Variants in DPYD observed in about 807,000 individuals in gnomAD.
DPYD encodes dihydropyrimidine dehydrogenase, also known as dihydropyrimidine dehydrogenase [NADP(+)].
DPYD carries 109 observed loss-of-function variants against 116.2 expected under a neutral mutation model. The observed-to-expected ratio is 0.94, with a 90% CI of 0.80 to 1.10. The LOEUF (loss-of-function observed/expected upper bound fraction) is 1.10. DPYD is among the 50% of genes least tolerant of loss of function. DPYD has a pLI of 0.00. For missense variants in DPYD, 1,302 were observed against 1,254.5 expected (o/e 1.04, Z -0.57); for synonymous variants, 440 against 432.0 (o/e 1.02, Z -0.23).
At chr1:97,212,955 A>C (rs1167495420) in intron 19 of DPYD, among the ~76,000 whole-genome samples, 1 of 152,166 alleles carries the variant, frequency 6.6e-6, no homozygotes, top group Non-Finnish European at 1.5e-5. Context: ...AGCTTCAATA[A>C]CAAACATTCA....
chr1:97,210,981 C>T (rs1659995509), intron 19 of DPYD, among the ~76,000 whole-genome samples: 1 of 152,154 alleles, frequency 6.6e-6, no homozygotes, highest in Admixed American at 6.6e-5. Flanking sequence ...ACTTGCCTCA[C>T]TGCAATACTT....
chr1:97,249,997 C>T (rs1444176072), intron 18 of DPYD, among the ~76,000 whole-genome samples: 1 of 152,136 alleles, frequency 6.6e-6, no homozygotes, highest in East Asian at 1.9e-4. Context: ...CACGGCCAGG[C>T]ATGGTGGCTC....
chr1:97,373,847 A>T (rs1408568263), intron 15 of DPYD, among the ~76,000 whole-genome samples: 1 of 152,104 alleles, frequency 6.6e-6, no homozygotes, highest in Non-Finnish European at 1.5e-5. Flanking sequence ...TCACACACCA[A>T]ATATTTACTC....
chr1:97,093,176 T>G (rs574834438), intron 21 of DPYD, among the ~76,000 whole-genome samples: 3 of 152,294 alleles, frequency 2.0e-5, no homozygotes, highest in Admixed American at 6.5e-5. Flanking sequence ...ATCTTGTTAG[T>G]GTGATTCCTT....
chr1:97,750,705 C>G (rs770376514), intron 3 of DPYD, among the ~76,000 whole-genome samples: 13 of 152,070 alleles, frequency 8.5e-5, no homozygotes, highest in Non-Finnish European at 1.3e-4. Context: ...ATAGAGTGAC[C>G]ATAATGGATA....
chr1:97,516,119 C>G (rs1353245878), intron 12 of DPYD, among the ~76,000 whole-genome samples, 178 bp from the exon 13 acceptor site: 1 of 151,828 alleles, frequency 6.6e-6, no homozygotes, highest in Non-Finnish European at 1.5e-5. Flanking sequence ...TATAATATGG[C>G]CTTTTAATTT....
intron 16 of DPYD, among the ~76,000 whole-genome samples, chr1:97,349,066 C>A (rs921768887): frequency 2.0e-5 from 3 of 152,106 alleles, no homozygotes; most frequent in Non-Finnish European, 4.4e-5. Context: ...AGTACAGAAA[C>A]CTGTGGTCAA....
In DPYD at chr1:97,359,816, C is replaced by T. The variant is rs543850825; in HGVS notation, c.2058+13745G>A. ...AAGAGCTCCTGAAGGAAGCACTAAA[C>T]ATGGAAAGGAACAACCAGTACCAGC... On this transcript the variant is annotated intron_variant, in intron 16 of 22. Coordinates refer to ENST00000370192, the MANE Select transcript of DPYD (RefSeq NM_000110.4). Among the ~76,000 whole-genome samples the T allele has an allele frequency of 2.0e-5, 3 of 152,226 alleles. No individual in the cohort carries two copies. The South Asian group carries it at 6.2e-4, about 32-fold the overall frequency.
At chr1:97,724,965 G>GAGAGAGAGAT (rs1408146724) in intron 4 of DPYD, among the ~76,000 whole-genome samples, 1 of 149,840 alleles carries the variant, frequency 6.7e-6, no homozygotes, top group Non-Finnish European at 1.5e-5. Flanking sequence ...GAGAGAGAGA[G>GAGAGAGAGAT]AGAGAGAGAG....
At chr1:97,426,099 G>C (rs1674853224) in intron 14 of DPYD, among the ~76,000 whole-genome samples, 2 of 151,848 alleles carry the variant, frequency 1.3e-5, no homozygotes, top group South Asian at 4.2e-4. Flanking sequence ...ATTAAATATA[G>C]GCTGGAAAAG....
At chr1:97,472,313 G>A (rs1029340819) in intron 13 of DPYD, among the ~76,000 whole-genome samples, 1 of 152,192 alleles carries the variant, frequency 6.6e-6, no homozygotes, top group Non-Finnish European at 1.5e-5. Context: ...CTCCTTTTCT[G>A]AGAATTGCCT....
intron 8 of DPYD, among the ~76,000 whole-genome samples, chr1:97,641,873 C>T: frequency 6.6e-6 from 1 of 152,096 alleles, no homozygotes; most frequent in Admixed American, 6.6e-5. Context: ...CCCAAAATCT[C>T]CTTAAGCTGA....
At chr1:97,752,673 C>T (rs760846904) in intron 3 of DPYD, among the ~76,000 whole-genome samples, 42 of 152,304 alleles carry the variant, frequency 2.8e-4, no homozygotes, top group Non-Finnish European at 4.4e-4. Context: ...TGAAGAGCCA[C>T]ACTTCAAGTC....
At chr1:97,179,495 A>T (rs1317817884) in intron 20 of DPYD, among the ~76,000 whole-genome samples, 1 of 152,124 alleles carries the variant, frequency 6.6e-6, no homozygotes, top group Non-Finnish European at 1.5e-5. Context: ...TATAAAATTG[A>T]TAAGTAGGGA....
At chr1:97,356,816 A>G (rs1384513384) in intron 16 of DPYD, among the ~76,000 whole-genome samples, 1 of 152,232 alleles carries the variant, frequency 6.6e-6, no homozygotes, top group African/African-American at 2.4e-5. Context: ...CTTGCTTAAC[A>G]TCAATTGACT....
At chr1:97,562,923 T>G (rs1041959967) in intron 11 of DPYD, among the ~76,000 whole-genome samples, 1 of 152,116 alleles carries the variant, frequency 6.6e-6, no homozygotes, top group Admixed American at 6.6e-5. Flanking sequence ...TTTCACCATG[T>G]TGGCCAGCTG....
intron 5 of DPYD, among the ~76,000 whole-genome samples, chr1:97,709,951 T>C (rs1295933471): frequency 6.6e-6 from 1 of 151,778 alleles, no homozygotes; most frequent in African/African-American, 2.4e-5. Flanking sequence ...TAAAATACTC[T>C]TGGAAATTTT....
intron 1 of DPYD, among the ~76,000 whole-genome samples, chr1:97,892,487 T>G (rs945339120): frequency 6.6e-6 from 1 of 151,720 alleles, no homozygotes; most frequent in African/African-American, 2.4e-5. Context: ...CATCTCCTGC[T>G]AGGTAGGGAA....
intron 14 of DPYD, among the ~76,000 whole-genome samples, chr1:97,383,307 T>C (rs1481536921): frequency 4.6e-5 from 7 of 151,750 alleles, no homozygotes; most frequent in Admixed American, 3.9e-4. Flanking sequence ...TAAAACCCCA[T>C]CTCTACTAAA....
Sources: allele counts gnomAD v4.1 joint callset (sites outside exome capture counted in the v4.1 genomes callset), GRCh38; gene constraint gnomAD v4.1.1; transcripts MANE v1.5; gene names NCBI Gene and HGNC (gene_info 2026-07-23, HGNC 2026-07-21).